The following CRTC1 variants were observed in gnomAD, a reference collection of about 807,000 sequenced individuals.
CRTC1 encodes CREB regulated transcription coactivator 1, also known as CREB-regulated transcription coactivator 1.
CRTC1 carries 18 observed loss-of-function variants against 66.1 expected under a neutral mutation model. The observed-to-expected ratio is 0.27, with a 90% CI of 0.19 to 0.40. The LOEUF is 0.40. Among genes scored for constraint, CRTC1 ranks in the 10% least tolerant of loss-of-function variants. CRTC1 has a pLI of 1.00. For synonymous variants in CRTC1, 416 were observed against 398.8 expected (o/e 1.04, Z -0.51); for missense variants, 669 against 887.9 (o/e 0.75, Z 3.13).
At position 18,754,093 on chromosome 19, in the gene CRTC1, T is replaced by TC. The variant is rs1332480085; in HGVS notation, c.624+510dup. ...TCCCGCCTGGGCAACAGAGCAAGAC[T>TC]CCATCTCAAAAAAAAAAAAAAAAAA... On this transcript the variant is annotated intron_variant, in intron 6 of 13. Coordinates refer to ENST00000321949, the MANE Select transcript of CRTC1 (RefSeq NM_015321.3). Among the ~76,000 whole-genome samples, 3 of 124,500 alleles carry TC rather than the reference T, an allele frequency of 2.4e-5. No homozygotes were observed. In the Admixed American group the frequency reaches 2.7e-4, roughly 11 times the overall value. The allele number at this position is 124,500 out of a possible 152,430, so 81.7% of individuals were successfully genotyped here.
At chr19:18,776,190 A>G (rs2054985631) in intron 13 of CRTC1, among the ~76,000 whole-genome samples, 2 of 152,182 alleles carry the variant, frequency 1.3e-5, no homozygotes, top group African/African-American at 4.8e-5. Context: ...AGGGTCAGGG[A>G]CGGCTGTGGG....
chr19:18,722,289 G>A (rs566692393), intron 1 of CRTC1, among the ~76,000 whole-genome samples: 1 of 152,206 alleles, frequency 6.6e-6, no homozygotes, highest in Non-Finnish European at 1.5e-5. Context: ...GGCATGCCAG[G>A]TGCCTCCCAG....
At chr19:18,737,094 C>T (rs1040483285) in intron 1 of CRTC1, among the ~76,000 whole-genome samples, 15 of 152,164 alleles carry the variant, frequency 9.9e-5, no homozygotes, top group Admixed American at 3.3e-4. Flanking sequence ...CCTGTGGACA[C>T]TTCCTGGGCG....
intron 9 of CRTC1, 60 bp downstream of exon 9, chr19:18,765,588 C>T: frequency 6.5e-7 from 1 of 1,526,960 alleles, no homozygotes; most frequent in Non-Finnish European, 8.9e-7. Flanking sequence ...AGGCCTGGCT[C>T]TACCTCTTAG....
chr19:18,729,536 G>A (rs1259629053), intron 1 of CRTC1, among the ~76,000 whole-genome samples: 2 of 151,960 alleles, frequency 1.3e-5, no homozygotes, highest in African/African-American at 2.4e-5. Context: ...TTGGAGCTCC[G>A]GAGTTTGAGA....
intron 6 of CRTC1, among the ~76,000 whole-genome samples, chr19:18,758,239 A>C (rs1324955155): frequency 6.6e-6 from 1 of 150,820 alleles, no homozygotes; most frequent in African/African-American, 2.4e-5. Flanking sequence ...GGGCACCTGT[A>C]GTCCCAGCTA....
At chr19:18,749,186 C>G (rs1189544496) in intron 4 of CRTC1, among the ~76,000 whole-genome samples, 1 of 152,164 alleles carries the variant, frequency 6.6e-6, no homozygotes, top group African/African-American at 2.4e-5. Context: ...CTAGTTGAAG[C>G]AAGACCTCCT....
chr19:18,756,078 A>G (rs2054478072), intron 6 of CRTC1, among the ~76,000 whole-genome samples: 1 of 152,104 alleles, frequency 6.6e-6, no homozygotes, highest in Admixed American at 6.5e-5. Flanking sequence ...TTACGCCTGT[A>G]ATCCCAGCAC....
intron 3 of CRTC1, among the ~76,000 whole-genome samples, chr19:18,746,165 G>T (rs1475623558): frequency 6.6e-6 from 1 of 152,158 alleles, no homozygotes; most frequent in East Asian, 1.9e-4. Flanking sequence ...GGAGCCTTTG[G>T]CCAGACTTGG....
At chr19:18,762,504 G>C (rs577044272) in intron 8 of CRTC1, among the ~76,000 whole-genome samples, 1 of 152,378 alleles carries the variant, frequency 6.6e-6, no homozygotes, top group East Asian at 1.9e-4. Flanking sequence ...CAGGAAGGAA[G>C]ACAGAGGCCT....
At chr19:18,755,761 C>G (rs1319542202) in intron 6 of CRTC1, among the ~76,000 whole-genome samples, 1 of 151,860 alleles carries the variant, frequency 6.6e-6, no homozygotes, top group African/African-American at 2.4e-5. Flanking sequence ...AGCTACCGTG[C>G]CCGGCCAATT....
chr19:18,762,997 G>A (rs1010771563), intron 8 of CRTC1, among the ~76,000 whole-genome samples: 10 of 152,294 alleles, frequency 6.6e-5, no homozygotes, highest in Middle Eastern at 3.4e-3. Flanking sequence ...CCACATAATC[G>A]GCAGTGGCCC....
At chr19:18,744,187 TC>T in intron 2 of CRTC1, 1 of 1,603,560 alleles carries the variant, frequency 6.2e-7, no homozygotes. Flanking sequence ...GGCCGCGGCG[TC>T]CCCGGCGCCA....
chr19:18,715,239 T>C (rs999680445), intron 1 of CRTC1, among the ~76,000 whole-genome samples: 2 of 152,182 alleles, frequency 1.3e-5, no homozygotes, highest in Non-Finnish European at 2.9e-5. Context: ...TCTCTTTTTT[T>C]TCATTTGAGA....
rs1353726447 is a variant in CRTC1, at chr19:18,778,203, C to T, written c.*821C>T. 4 of 232,940 alleles carry T rather than the reference C, an allele frequency of 1.7e-5. No individual in the cohort carries two copies. Among genetic ancestry groups the T allele is most frequent in the Non-Finnish European group, 2.5e-5 (3 of 117,924 alleles). 14.4% of individuals were successfully genotyped at this position (232,940 alleles called of 1,614,324 possible). A position where few individuals can be genotyped will look rare whatever the true frequency, so the allele number is the denominator to read the frequency against. ...TGGGGCTTTACAATCCGTGGCCCCTCCTGTCCTGCACTGTGGTCACCGGTC... is the reference window on the plus strand; with the variant it reads ...TGGGGCTTTACAATCCGTGGCCCCTTCTGTCCTGCACTGTGGTCACCGGTC... On this transcript the variant is annotated 3_prime_UTR_variant, in exon 14 of 14. Transcript: ENST00000321949.
At chr19:18,706,371 A>G (rs1241565501) in intron 1 of CRTC1, among the ~76,000 whole-genome samples, 1 of 150,738 alleles carries the variant, frequency 6.6e-6, no homozygotes, top group Non-Finnish European at 1.5e-5. Flanking sequence ...ACACTCAGCT[A>G]ATTTTTGTAT....
At position 18,777,318 on chromosome 19, in the gene CRTC1, A is replaced by G; in HGVS notation, c.1841A>G (p.Asn614Ser). 6.2e-7 allele frequency: 1 copy of G among 1,611,000 alleles called. No homozygotes were observed. Among genetic ancestry groups the G allele is most frequent in the East Asian group, 2.2e-5 (1 of 44,862 alleles). The change falls in exon 14 of 14, where the codon AAC becomes AGC. Residue 614 changes from asparagine to serine, a missense_variant. Transcript: ENST00000321949. The surrounding 1 kb of genome is among the most constrained non-coding windows in gnomAD (Gnocchi z 5.5). ...PLTLDGLHML[N>S]DPDMVLADPA... The stretch of plus-strand genomic sequence containing the variant: ...ACCCTCGACGGACTGCACATGCTCA[A>G]CGACCCCGACATGGTTCTGGCCGAC...
chr19:18,765,643 C>T (rs1427159665), intron 9 of CRTC1, 115 bp downstream of exon 9: 1 of 983,182 alleles, frequency 1.0e-6, no homozygotes. Context: ...CTTGAGAATG[C>T]TCCCAACACT....
intron 1 of CRTC1, among the ~76,000 whole-genome samples, chr19:18,711,499 GA>G (rs1276454133): frequency 6.6e-6 from 1 of 151,344 alleles, no homozygotes; most frequent in Non-Finnish European, 1.5e-5. Context: ...TAACTTAAAA[GA>G]AAAAAAAAGT....
Sources: allele counts gnomAD v4.1 joint callset (sites outside exome capture counted in the v4.1 genomes callset), GRCh38; gene constraint gnomAD v4.1.1; non-coding constraint Gnocchi (gnomAD v3.1); transcripts MANE v1.5; gene names NCBI Gene and HGNC (gene_info 2026-07-23, HGNC 2026-07-21).